RASGRP3: variants seen among roughly 807,000 people sequenced by gnomAD.
RASGRP3 encodes the protein RAS guanyl releasing protein 3.
A neutral mutation model predicts 82.7 loss-of-function variants in RASGRP3; 54 were observed. The ratio of observed to expected loss-of-function variants is 0.65; its 90% CI spans 0.52 to 0.82. The LOEUF (loss-of-function observed/expected upper bound fraction) is 0.82. Among genes scored for constraint, RASGRP3 ranks in the 40% least tolerant of loss-of-function variants. The pLI is 0.00. For synonymous variants in RASGRP3, 309 were observed against 300.5 expected, an observed-to-expected ratio of 1.03 and a Z score of -0.29; for missense variants, 861 against 828.9, an observed-to-expected ratio of 1.04 and a Z score of -0.48.
At position 33,520,043 on chromosome 2, in the gene RASGRP3, G is replaced by C. The variant is rs139065864; in HGVS notation, c.236+29G>C. 68 of 1,517,968 alleles carry C rather than the reference G, an allele frequency of 4.5e-5. 1 individual carries two copies. In the Admixed American group the frequency reaches 9.9e-4, roughly 22 times the overall value. 94.0% of individuals were successfully genotyped at this position (1,517,968 alleles called of 1,614,324 possible). Reference sequence around the variant, plus strand: ...AATATATTTACAAATTTAATTTCTTGTAGTTTCTGGTTCTGGAATCGTGGA... The same window carrying C: ...AATATATTTACAAATTTAATTTCTTCTAGTTTCTGGTTCTGGAATCGTGGA... On this transcript the variant is annotated intron_variant, in intron 5 of 17. Coordinates refer to ENST00000403687, the MANE Select transcript of RASGRP3 (RefSeq NM_001139488.2).
At chr2:33,540,859 AT>A (rs1674228647) in intron 12 of RASGRP3, among the ~76,000 whole-genome samples, 1 of 118,090 alleles carries the variant, frequency 8.5e-6, no homozygotes, top group Non-Finnish European at 2.1e-5. Flanking sequence ...TGATACTGGA[AT>A]TAAAAAAAAA....
rs1672293405 is a variant in RASGRP3, at chr2:33,524,122, A to G, written c.690+70A>G. The G allele has an allele frequency of 2.0e-6, 3 of 1,535,188 alleles. No homozygotes were observed. In the South Asian group the frequency reaches 3.5e-5, roughly 18 times the overall value. On this transcript the variant is annotated intron_variant, in intron 8 of 17. Transcript: ENST00000403687. ...TTCACTCTGTTGAGAAAAGTCATTG[A>G]GGAAATGTGGCGTTCACAGTATAAG...
At chr2:33,526,956 A>G (rs1232884950) in intron 9 of RASGRP3, among the ~76,000 whole-genome samples, 181 bp from the exon 10 acceptor site, 1 of 152,228 alleles carries the variant, frequency 6.6e-6, no homozygotes, top group Non-Finnish European at 1.5e-5. Flanking sequence ...TGCTCAATGC[A>G]TAGCCAGGCC....
At chr2:33,503,483 A>G (rs1324974408) in intron 1 of RASGRP3, among the ~76,000 whole-genome samples, 2 of 152,206 alleles carry the variant, frequency 1.3e-5, no homozygotes, top group Non-Finnish European at 2.9e-5. Context: ...TGCTGCAGGA[A>G]AAACATCTGA....
intron 10 of RASGRP3, among the ~76,000 whole-genome samples, chr2:33,529,866 C>T (rs1342474330): frequency 6.6e-6 from 1 of 152,064 alleles, no homozygotes; most frequent in Non-Finnish European, 1.5e-5. Flanking sequence ...AACCAAGAGT[C>T]AACTTGATTC....
At chr2:33,551,560 G>A (rs1675362932) in intron 14 of RASGRP3, among the ~76,000 whole-genome samples, 1 of 151,988 alleles carries the variant, frequency 6.6e-6, no homozygotes, top group African/African-American at 2.4e-5. Context: ...CAAGGTCCCG[G>A]GTGCTGTGGC....
intron 10 of RASGRP3, among the ~76,000 whole-genome samples, chr2:33,529,368 G>A (rs934389210): frequency 1.3e-5 from 2 of 151,052 alleles, no homozygotes; most frequent in East Asian, 2.0e-4. Context: ...GGTGGCAGGT[G>A]CCTGTAGTCC....
chr2:33,463,180 C>G lies in RASGRP3; in HGVS notation c.-261+15237C>G, dbSNP rs571265173. Among the ~76,000 whole-genome samples, 561 of 152,228 alleles carry G rather than the reference C, an allele frequency of 3.7e-3. 7 individuals carry two copies. The highest frequency in any genetic ancestry group is 0.013 in the African/African-American group (542 of 41,536). On this transcript the variant is annotated intron_variant, in intron 2 of 18. Coordinates refer to the RASGRP3 transcript ENST00000402538. The stretch of plus-strand genomic sequence containing the variant: ...GCTGTGTGTAAGTAATTATGCTAAA[C>G]AAGGTGTTTTGTGGCATGAACGCTA...
intron 1 of RASGRP3, among the ~76,000 whole-genome samples, chr2:33,495,464 G>T (rs113657098): frequency 6.6e-6 from 1 of 152,136 alleles, no homozygotes; most frequent in Non-Finnish European, 1.5e-5. Flanking sequence ...TCCCTCACCC[G>T]CATTCACCTC....
intron 10 of RASGRP3, among the ~76,000 whole-genome samples, chr2:33,529,549 G>C (rs1367631989): frequency 1.4e-5 from 2 of 141,458 alleles, no homozygotes; most frequent in South Asian, 2.3e-4. Context: ...TAAAGGCTAA[G>C]AAAAAAATTC....
chr2:33,471,106 T>C (rs1054784559), intron 2 of RASGRP3, among the ~76,000 whole-genome samples: 8 of 152,290 alleles, frequency 5.3e-5, no homozygotes, highest in Non-Finnish European at 1.0e-4. Context: ...ATGAGTATCA[T>C]GTTAAGAATC....
At chr2:33,483,463 C>T (rs981629030) in intron 1 of RASGRP3, among the ~76,000 whole-genome samples, 18 of 151,000 alleles carry the variant, frequency 1.2e-4, no homozygotes, top group Non-Finnish European at 2.4e-4. Context: ...CATATCTAAT[C>T]CCAGAGGCAT....
Position 33,439,775 on chromosome 2 carries a change from G to T in RASGRP3, c.-385+3184G>T, listed in dbSNP as rs775856154. ...TGGAGGAGGCTGGGTTCAGAAGGTG[G>T]TGGGACTTTAATGGTGAACTAAGGA... On this transcript the variant is annotated intron_variant, in intron 1 of 18. Coordinates refer to the RASGRP3 transcript ENST00000402538. Among the ~76,000 whole-genome samples, 103 of 152,078 alleles carry T rather than the reference G, an allele frequency of 6.8e-4. 1 individual carries two copies. Among genetic ancestry groups the T allele is most frequent in the Non-Finnish European group, 1.6e-4 (11 of 68,028 alleles).
chr2:33,537,320 A>ACCCCCC lies in RASGRP3; in HGVS notation c.1162-1772_1162-1771insCCCCCC, dbSNP rs1266542679. On this transcript the variant is annotated intron_variant, in intron 11 of 17. Transcript: ENST00000403687. ...GTCTCTAAAATACACACACACACAC[A>ACCCCCC]CCGCCCCCCCCACACACACACACAA... is the stretch of plus-strand genomic sequence containing the variant. Among the ~76,000 whole-genome samples, 6 of 33,336 alleles carry ACCCCCC rather than the reference A, an allele frequency of 1.8e-4. 1 individual carries two copies. The highest frequency in any genetic ancestry group is 3.7e-4 in the Admixed American group (1 of 2,696). The allele number at this position is 33,336 out of a possible 152,430, so 21.9% of individuals were successfully genotyped here. A position where few individuals can be genotyped will look rare whatever the true frequency, so the allele number is the denominator to read the frequency against.
In RASGRP3 at chr2:33,527,121, T is replaced by G; in HGVS notation, c.808-16T>G. Reference sequence around the variant, plus strand: ...GGAAAGTTGTTTGAAAATTCTACTTTTCCATCTGTTCCCAGAACTGGAATG... The same window carrying G: ...GGAAAGTTGTTTGAAAATTCTACTTGTCCATCTGTTCCCAGAACTGGAATG... On this transcript the variant is annotated splice_polypyrimidine_tract_variant and intron_variant, in intron 9 of 17. Transcript: ENST00000403687. The G allele has an allele frequency of 6.2e-7, 1 of 1,612,612 alleles. No homozygotes were observed. Among genetic ancestry groups the G allele is most frequent in the Non-Finnish European group, 8.5e-7 (1 of 1,178,834 alleles).
chr2:33,559,140 G>C (rs1676362686), intron 17 of RASGRP3, 110 bp downstream of exon 17: 1 of 893,024 alleles, frequency 1.1e-6, no homozygotes, highest in South Asian at 1.8e-5. Context: ...AAAGCAGAAT[G>C]GTTGGGAATG....
At chr2:33,461,653 G>C (rs6756871) in intron 2 of RASGRP3, among the ~76,000 whole-genome samples, 124,801 of 152,266 alleles carry the variant, frequency 0.82, 51,341 homozygotes, top group African/African-American at 0.87. Context: ...AAGAAATCTT[G>C]TAGCAATAAT....
At chr2:33,519,160 A>G (rs1671755163) in intron 4 of RASGRP3, among the ~76,000 whole-genome samples, 1 of 152,222 alleles carries the variant, frequency 6.6e-6, no homozygotes, top group African/African-American at 2.4e-5. Context: ...GGGTTACAAC[A>G]TTATGCTGGC....
intron 9 of RASGRP3, among the ~76,000 whole-genome samples, chr2:33,525,095 CA>C (rs77134139): frequency 3.9e-3 from 442 of 114,048 alleles, no homozygotes; most frequent in African/African-American, 0.012. Flanking sequence ...AAAAAAAAAC[CA>C]AAAAAAAAAA....
Sources: allele counts gnomAD v4.1 joint callset (sites outside exome capture counted in the v4.1 genomes callset), GRCh38; gene constraint gnomAD v4.1.1; transcripts MANE v1.5; gene names NCBI Gene and HGNC (gene_info 2026-07-23, HGNC 2026-07-21).